The following CNBD1 variants were observed in gnomAD, a reference collection of about 807,000 sequenced individuals.
The protein encoded by CNBD1 is cyclic nucleotide-binding domain-containing protein 1.
A neutral mutation model predicts 54.4 loss-of-function variants in CNBD1; 71 were observed. The ratio of observed to expected loss-of-function variants is 1.30; its 90% CI spans 1.08 to 1.59. The LOEUF (loss-of-function observed/expected upper bound fraction) is 1.59, where lower values mean the gene tolerates loss of function less well. Ranked by LOEUF, CNBD1 falls within the 40% of genes most tolerant of loss-of-function variation. The probability of loss-of-function intolerance (pLI) is 0.00; values close to 1 mark genes in which losing one functional copy is unlikely to be tolerated. For missense variants in CNBD1, 659 were observed against 518.0 expected (o/e 1.27, Z -2.64); for synonymous variants, 182 against 170.7 (o/e 1.07, Z -0.51).
chr8:87,028,950 T>G (rs1282734094), intron 4 of CNBD1, among the ~76,000 whole-genome samples: 1 of 152,214 alleles, frequency 6.6e-6, no homozygotes, highest in Admixed American at 6.5e-5. Flanking sequence ...TTCTAACACT[T>G]GTTACATTTT....
intron 8 of CNBD1, among the ~76,000 whole-genome samples, chr8:87,321,512 A>G (rs1809531987): frequency 6.6e-6 from 1 of 152,104 alleles, no homozygotes; most frequent in Non-Finnish European, 1.5e-5. Flanking sequence ...TATCTATTCA[A>G]ATCTCTTGCC....
intron 2 of CNBD1, among the ~76,000 whole-genome samples, chr8:86,900,951 T>G (rs2131803976): frequency 6.6e-6 from 1 of 152,330 alleles, no homozygotes; most frequent in Non-Finnish European, 1.5e-5. Context: ...CATGTGGAAC[T>G]TCTTTGAAAA....
At chr8:87,322,168 GTA>G (rs1362852292) in intron 8 of CNBD1, among the ~76,000 whole-genome samples, 4 of 121,448 alleles carry the variant, frequency 3.3e-5, no homozygotes, top group African/African-American at 1.3e-4. Flanking sequence ...ATTCCATGGT[GTA>G]AATGTGCCAC....
At chr8:87,024,067 C>T (rs1001054742) in intron 4 of CNBD1, among the ~76,000 whole-genome samples, 4 of 151,296 alleles carry the variant, frequency 2.6e-5, no homozygotes. Flanking sequence ...GAAACCCCGT[C>T]TCTACTAAAA....
intron 4 of CNBD1, among the ~76,000 whole-genome samples, chr8:87,129,599 A>AT (rs1322939901): frequency 2.0e-5 from 3 of 150,964 alleles, no homozygotes; most frequent in African/African-American, 7.3e-5. Flanking sequence ...TCCTCTGATC[A>AT]TTTTTTTCCT....
chr8:87,422,137 G>A lies in CNBD1; in HGVS notation c.214-6409G>A, dbSNP rs955923262. On this transcript the variant is annotated intron_variant, in intron 2 of 7. Coordinates refer to the CNBD1 transcript ENST00000521593. ...TGATGGGGCTGTTTGTTTTTTTCTT[G>A]TAAATTTGTTTGAGTTCATTGTAGA... Among the ~76,000 whole-genome samples, 22 of 146,576 alleles carry A rather than the reference G, an allele frequency of 1.5e-4. No homozygotes were observed. The South Asian group carries it at 4.2e-3, about 28-fold the overall frequency.
Position 87,402,242 on chromosome 8 carries a change from C to T in CNBD1, c.214-26304C>T, listed in dbSNP as rs549317049. 8.6e-5 allele frequency among the ~76,000 whole-genome samples: 13 copies of T among 152,020 alleles called. No individual in the cohort carries two copies. The East Asian group carries it at 1.9e-3, about 23-fold the overall frequency. On this transcript the variant is annotated intron_variant, in intron 2 of 7. Transcript: ENST00000521593. ...CCTCCATGATTCAATTACCTCCCAC[C>T]GGGTCCCTCCCAAAACATGTGGAGA...
intron 4 of CNBD1, among the ~76,000 whole-genome samples, chr8:87,114,700 G>A (rs959927541): frequency 6.6e-6 from 1 of 152,088 alleles, no homozygotes; most frequent in African/African-American, 2.4e-5. Context: ...ATTCCTTTTG[G>A]TAGATGAACC....
At chr8:87,385,490 G>A (rs961175745), downstream of CNBD1, among the ~76,000 whole-genome samples, 20 of 152,064 alleles carry the variant, frequency 1.3e-4, no homozygotes, top group African/African-American at 4.8e-4. Flanking sequence ...TGTCTCGGAG[G>A]GTCCTACGCC....
intron 4 of CNBD1, among the ~76,000 whole-genome samples, chr8:87,028,115 CCT>C (rs1809696760): frequency 6.6e-6 from 1 of 152,136 alleles, no homozygotes; most frequent in South Asian, 2.1e-4. Context: ...AGGGTGCATT[CCT>C]CTCTCAGTCA....
intron 4 of CNBD1, among the ~76,000 whole-genome samples, chr8:87,116,345 G>T (rs1233744210): frequency 6.6e-6 from 1 of 151,504 alleles, no homozygotes; most frequent in African/African-American, 2.4e-5. Flanking sequence ...GGGACTACAG[G>T]CATGCACCAC....
At chr8:86,873,097 GT>G (rs1382951126) in intron 1 of CNBD1, among the ~76,000 whole-genome samples, 1 of 145,646 alleles carries the variant, frequency 6.9e-6, no homozygotes, top group Non-Finnish European at 1.5e-5. Flanking sequence ...TGTTGTTGTT[GT>G]TTTAGTTTTT....
At chr8:87,255,991 A>G (rs1224091483) in intron 6 of CNBD1, among the ~76,000 whole-genome samples, 5 of 11,544 alleles carry the variant, frequency 4.3e-4, no homozygotes, top group African/African-American at 1.4e-3. Context: ...ATATATATAT[A>G]TATATATATA....
intron 4 of CNBD1, among the ~76,000 whole-genome samples, chr8:87,064,362 T>G (rs1405545062): frequency 6.6e-6 from 1 of 151,970 alleles, no homozygotes; most frequent in African/African-American, 2.4e-5. Context: ...TATAGATTAT[T>G]TTACTATCAT....
At chr8:87,396,475 G>A (rs1394505221) in intron 2 of CNBD1, among the ~76,000 whole-genome samples, 4 of 151,832 alleles carry the variant, frequency 2.6e-5, no homozygotes, top group Admixed American at 2.0e-4. Context: ...ATGTATGCCT[G>A]TGTTTCTTAC....
At chr8:87,049,321 G>T (rs143947794) in intron 4 of CNBD1, among the ~76,000 whole-genome samples, 2 of 152,330 alleles carry the variant, frequency 1.3e-5, no homozygotes, top group African/African-American at 4.8e-5. Flanking sequence ...TTAACAGTGA[G>T]GAGGTGTCTT....
intron 4 of CNBD1, among the ~76,000 whole-genome samples, chr8:87,140,478 A>C (rs778306425): frequency 7.2e-5 from 11 of 152,170 alleles, no homozygotes; most frequent in Non-Finnish European, 1.6e-4. Flanking sequence ...TAAAACCTTC[A>C]GCTTGCAGAT....
chr8:87,292,774 G>T (rs1289283617), intron 8 of CNBD1, among the ~76,000 whole-genome samples: 1 of 152,158 alleles, frequency 6.6e-6, no homozygotes, highest in African/African-American at 2.4e-5. Flanking sequence ...TCTGGAAGAA[G>T]TCAGGAGCAG....
intron 4 of CNBD1, among the ~76,000 whole-genome samples, chr8:87,145,322 T>G (rs1283705692): frequency 1.3e-5 from 2 of 152,110 alleles, no homozygotes; most frequent in African/African-American, 4.8e-5. Flanking sequence ...TAATGTCAAC[T>G]TTAGAATTTG....
Sources: gnomAD v4.1 joint callset for allele counts (sites outside exome capture counted in the v4.1 genomes callset) on GRCh38, gnomAD v4.1.1 for gene constraint, MANE v1.5 for transcripts, NCBI Gene and HGNC (gene_info 2026-07-23, HGNC 2026-07-21) for gene names.